The following PPP1R15B variants were observed in gnomAD, a reference collection of about 807,000 sequenced individuals.
PPP1R15B encodes the protein protein phosphatase 1 regulatory subunit 15B.
In PPP1R15B, 31 loss-of-function variants were observed where a neutral mutation model predicts 53.9. The ratio of observed to expected loss-of-function variants is 0.58; its 90% CI spans 0.43 to 0.78. The LOEUF (loss-of-function observed/expected upper bound fraction) is 0.78. Ranked by LOEUF, PPP1R15B falls within the 30% of genes least tolerant of loss-of-function variation. The pLI is 0.00. For missense variants in PPP1R15B, 928 were observed against 849.6 expected, an observed-to-expected ratio of 1.09 and a Z score of -1.15; for synonymous variants, 345 against 329.1, an observed-to-expected ratio of 1.05 and a Z score of -0.52.
chr1:204,409,694 G>A lies in PPP1R15B; in HGVS notation c.1718C>T (p.Ala573Val), dbSNP rs1037835672. Reference protein sequence around the residue: ...DDPYNPLNFKAPFQTSGENEK... With the variant: ...DDPYNPLNFKVPFQTSGENEK... Reference sequence around the variant, plus strand: ...ATTTTCCCCTGATGTTTGAAAAGGAGCCTTAAAATTTAAAGGGTTGTAGGG... The same window carrying A: ...ATTTTCCCCTGATGTTTGAAAAGGAACCTTAAAATTTAAAGGGTTGTAGGG... The change falls in exon 1 of 2, where the codon GCT becomes GTT. Residue 573 changes from alanine (A) to valine (V), a missense_variant. By Grantham distance (64) the Ala-to-Val change is moderately conservative (BLOSUM62 0). Coordinates refer to ENST00000367188, the MANE Select transcript of PPP1R15B (RefSeq NM_032833.5). 1 of 1,614,050 alleles carries A rather than the reference G, an allele frequency of 6.2e-7. No individual in the cohort carries two copies. Among genetic ancestry groups the A allele is most frequent in the Non-Finnish European group, 8.5e-7 (1 of 1,180,006 alleles).
chr1:204,396,233 C>T (rs546393648), downstream of PPP1R15B, among the ~76,000 whole-genome samples: 139 of 151,948 alleles, frequency 9.1e-4, 4 homozygotes, highest in South Asian at 0.028. Flanking sequence ...AAAGGCCAGA[C>T]GTGGTGGCTC....
chr1:204,410,830 C>G lies in PPP1R15B; in HGVS notation c.582G>C (p.Leu194=). ...AAGAGCCAAGTTCCCGGTTAGAGTACAGACGGGATTGAAGGCTACTGGGCA... is the reference window on the plus strand; with the variant it reads ...AAGAGCCAAGTTCCCGGTTAGAGTAGAGACGGGATTGAAGGCTACTGGGCA... ...ELLPSSLQSR[L]YSNRELGSSP... Residue 194 remains leucine (L), a synonymous_variant, in exon 1 of 2, where the codon CTG becomes CTC. Coordinates refer to ENST00000367188, the MANE Select transcript of PPP1R15B (RefSeq NM_032833.5). 1.2e-6 allele frequency: 2 copies of G among 1,614,230 alleles called. No individual in the cohort carries two copies. Among genetic ancestry groups the G allele is most frequent in the Non-Finnish European group, 1.7e-6 (2 of 1,180,052 alleles).
chr1:204,407,800 G>A (rs975856694), intron 1 of PPP1R15B, among the ~76,000 whole-genome samples: 1 of 152,030 alleles, frequency 6.6e-6, no homozygotes, highest in African/African-American at 2.4e-5. Context: ...GAGGTAGAAG[G>A]GTTTTTTAGA....
chr1:204,403,751 G>A lies in PPP1R15B; in HGVS notation c.*2341C>T, dbSNP rs1165066682. 5.1e-6 allele frequency: 5 copies of A among 985,300 alleles called. No homozygotes were observed. The East Asian group carries it at 3.4e-4, about 67-fold the overall frequency. The allele number at this position is 985,300 out of a possible 1,614,324, so 61.0% of individuals were successfully genotyped here. ...AGATTTTCTCTTTAAGATTACGGGG[G>A]TTTAACTTTGTTCTAACTAGAATTG... On this transcript the variant is annotated 3_prime_UTR_variant, in exon 2 of 2. Transcript: ENST00000367188.
downstream of PPP1R15B, among the ~76,000 whole-genome samples, chr1:204,395,916 A>G (rs189823963): frequency 6.6e-6 from 1 of 152,352 alleles, no homozygotes; most frequent in East Asian, 1.9e-4. Flanking sequence ...TTATATATGT[A>G]GTCATGTTTA....
rs147451458 is a variant in PPP1R15B, at chr1:204,409,718, G to T, written c.1694C>A (p.Pro565His). 1 of 1,614,034 alleles carries T rather than the reference G, an allele frequency of 6.2e-7. No individual in the cohort carries two copies. ...AGCCTTAAAATTTAAAGGGTTGTAG[G>T]GGTCATCAGAATTACAGAATGAGTT... is the stretch of plus-strand genomic sequence containing the variant. ...LWNSFCNSDD[P>H]YNPLNFKAPF... Residue 565 changes from proline to histidine, a missense_variant, in exon 1 of 2, where the codon CCC becomes CAC. Transcript: ENST00000367188.
downstream of PPP1R15B, among the ~76,000 whole-genome samples, chr1:204,401,626 G>A (rs1674180575): frequency 2.0e-5 from 3 of 152,074 alleles, no homozygotes; most frequent in Admixed American, 2.0e-4. Flanking sequence ...ATTTTAAAAA[G>A]GTACAGAGAA....
chr1:204,411,196 C>A lies in PPP1R15B; in HGVS notation c.216G>T (p.Ala72=). ...YWTKLLSQLL[A]PLPGLLQKVL... is the part of the protein sequence containing the mutation. ...CCTTCTGAAGCAATCCGGGGAGCGG[C>A]GCAAGGAGCTGGGAGAGCAGTTTCG... The change falls in exon 1 of 2, where the codon GCG becomes GCT. Residue 72 remains alanine, a synonymous_variant. Transcript: ENST00000367188. 6.2e-7 allele frequency: 1 copy of A among 1,614,204 alleles called. No individual in the cohort carries two copies. The highest frequency in any genetic ancestry group is 8.5e-7 in the Non-Finnish European group (1 of 1,180,044).
chr1:204,403,010 T>G (rs1166699656), downstream of PPP1R15B, among the ~76,000 whole-genome samples: 1 of 152,068 alleles, frequency 6.6e-6, no homozygotes, highest in East Asian at 1.9e-4. Flanking sequence ...AGGTGGAGGT[T>G]GCAGTGAGCT....
intron 1 of PPP1R15B, among the ~76,000 whole-genome samples, chr1:204,407,253 TAAAC>T (rs1379372311): frequency 6.6e-6 from 1 of 152,196 alleles, no homozygotes; most frequent in Non-Finnish European, 1.5e-5. Flanking sequence ...AGTTACTTAG[TAAAC>T]AAAGTATAGC....
downstream of PPP1R15B, among the ~76,000 whole-genome samples, chr1:204,396,929 C>T (rs1322450251): frequency 6.6e-6 from 1 of 152,082 alleles, no homozygotes; most frequent in Non-Finnish European, 1.5e-5. Flanking sequence ...TGAGGTGGCT[C>T]ACACCTGTAA....
Position 204,411,235 on chromosome 1 carries a change from C to A in PPP1R15B, c.177G>T (p.Arg59=), listed in dbSNP as rs757679459. 3.7e-6 allele frequency: 6 copies of A among 1,614,248 alleles called. No homozygotes were observed. In the East Asian group the frequency reaches 1.1e-4, roughly 30 times the overall value. Residue 59 remains arginine (R), a synonymous_variant, in exon 1 of 2, where the codon CGG becomes CGT. Transcript: ENST00000367188. ...AGAGCAGTTTCGTCCAGTAACTGAC[C>A]CGAGTCTCGGGCTGGGCAGAGGAAA... ...TLLSSAQPET[R]VSYWTKLLSQ...
chr1:204,399,079 C>T (rs1176471492), downstream of PPP1R15B, among the ~76,000 whole-genome samples: 1 of 152,138 alleles, frequency 6.6e-6, no homozygotes, highest in Non-Finnish European at 1.5e-5. Context: ...TCTGGTCAGA[C>T]AAGGCTGTGT....
At position 204,411,226 on chromosome 1, in the gene PPP1R15B, G is replaced by A; in HGVS notation, c.186C>T (p.Tyr62=). The change falls in exon 1 of 2, where the codon TAC becomes TAT. Residue 62 remains tyrosine (Y), a synonymous_variant. Transcript: ENST00000367188. Reference sequence around the variant, plus strand: ...GGAGCTGGGAGAGCAGTTTCGTCCAGTAACTGACCCGAGTCTCGGGCTGGG... The same window carrying A: ...GGAGCTGGGAGAGCAGTTTCGTCCAATAACTGACCCGAGTCTCGGGCTGGG... The part of the protein sequence containing the change: ...SSAQPETRVS[Y]WTKLLSQLLA... 3.7e-6 allele frequency: 6 copies of A among 1,614,254 alleles called. No homozygotes were observed. The highest frequency in any genetic ancestry group is 5.1e-6 in the Non-Finnish European group (6 of 1,180,050).
At chr1:204,407,557 C>CA (rs375808027) in intron 1 of PPP1R15B, among the ~76,000 whole-genome samples, 4 of 152,280 alleles carry the variant, frequency 2.6e-5, no homozygotes, top group African/African-American at 9.6e-5. Context: ...TACATCAAGC[C>CA]AAGGGATGCC....
At position 204,406,129 on chromosome 1, in the gene PPP1R15B, G is replaced by A. The variant is rs1280964148; in HGVS notation, c.2105C>T (p.Thr702Ile). ...RERMFNRLQGTCFKGLNVLKQ... is the reference protein window; with the variant it reads ...RERMFNRLQGICFKGLNVLKQ... ...GAGAACATTAAGTCCTTTGAAGCATGTTCCCTGGAGTCTATTAAACATTCT... is the reference window on the plus strand; with the variant it reads ...GAGAACATTAAGTCCTTTGAAGCATATTCCCTGGAGTCTATTAAACATTCT... The change falls in exon 2 of 2, where the codon ACA becomes ATA. Residue 702 changes from threonine to isoleucine, a missense_variant. Coordinates refer to ENST00000367188, the MANE Select transcript of PPP1R15B (RefSeq NM_032833.5). 2 of 1,614,124 alleles carry A rather than the reference G, an allele frequency of 1.2e-6. No individual in the cohort carries two copies. The highest frequency in any genetic ancestry group is 1.7e-6 in the Non-Finnish European group (2 of 1,180,008).
At chr1:204,399,677 A>G (rs1390208473), downstream of PPP1R15B, among the ~76,000 whole-genome samples, 9 of 152,120 alleles carry the variant, frequency 5.9e-5, no homozygotes, top group Non-Finnish European at 1.2e-4. Context: ...TTTACAGACT[A>G]GTGAGGGTGG....
chr1:204,402,592 G>T (rs968890910), downstream of PPP1R15B, among the ~76,000 whole-genome samples: 7 of 149,960 alleles, frequency 4.7e-5, no homozygotes, highest in African/African-American at 1.2e-4. Context: ...CAGTTTTTTT[G>T]TTTTTTTTTG....
chr1:204,400,640 T>A, downstream of PPP1R15B: 1 of 536,224 alleles, frequency 1.9e-6, no homozygotes. Flanking sequence ...CAATCTTAAG[T>A]ATAAATATTT....
Sources: allele counts gnomAD v4.1 joint callset (sites outside exome capture counted in the v4.1 genomes callset), GRCh38; gene constraint gnomAD v4.1.1; transcripts MANE v1.5; gene names NCBI Gene and HGNC (gene_info 2026-07-23, HGNC 2026-07-21).